The following RNF212 variants were observed in gnomAD, a reference collection of about 807,000 sequenced individuals.
The protein encoded by RNF212 is ring finger protein 212.
Under a neutral mutation model 34.7 loss-of-function variants are expected in RNF212, and 33 were observed. The observed-to-expected ratio is 0.95, with a 90% confidence interval of 0.72 to 1.27. The LOEUF (loss-of-function observed/expected upper bound fraction) is 1.27. Ranked by LOEUF, RNF212 falls within the 50% of genes most tolerant of loss-of-function variation. The pLI, the probability that RNF212 is intolerant of heterozygous loss-of-function variation, is 0.00. For missense variants in RNF212, 377 were observed against 362.2 expected (o/e 1.04, Z -0.33); for synonymous variants, 140 against 136.1 (o/e 1.03, Z -0.20).
At chr4:1,085,988 C>G (rs1721103334) in intron 4 of RNF212, 34 bp from the exon 5 acceptor site, 1 of 1,458,848 alleles carries the variant, frequency 6.9e-7, no homozygotes, top group Non-Finnish European at 9.6e-7. Flanking sequence ...TGTTATCAGA[C>G]AGGCTATGCT....
chr4:1,092,055 C>A (rs994483250), intron 3 of RNF212, among the ~76,000 whole-genome samples: 1 of 152,238 alleles, frequency 6.6e-6, no homozygotes, highest in African/African-American at 2.4e-5. Flanking sequence ...GCACACGCCC[C>A]TCAAAGCCAC....
In RNF212 at chr4:1,083,807, G is replaced by A. The variant is rs985725488; in HGVS notation, c.362+2089C>T. On this transcript the variant is annotated intron_variant, in intron 5 of 9. Transcript: ENST00000433731. Reference sequence around the variant, plus strand: ...CGAGGGTGGGGAGCTGCAGGTTGTGGCTGGGGATGCAGAGGGTACTACTTG... The same window carrying A: ...CGAGGGTGGGGAGCTGCAGGTTGTGACTGGGGATGCAGAGGGTACTACTTG... Among the ~76,000 whole-genome samples the A allele has an allele frequency of 3.9e-5, 6 of 152,178 alleles. No homozygotes were observed. In the East Asian group the frequency reaches 9.6e-4, roughly 24 times the overall value.
chr4:1,092,252 G>A (rs1722300542), intron 3 of RNF212, among the ~76,000 whole-genome samples: 1 of 152,214 alleles, frequency 6.6e-6, no homozygotes, highest in African/African-American at 2.4e-5. Context: ...GGGGAGACGA[G>A]GTCAGTCTGT....
intron 3 of RNF212, 93 bp downstream of exon 3, chr4:1,096,672 A>T: frequency 1.3e-6 from 1 of 796,832 alleles, no homozygotes; most frequent in Non-Finnish European, 2.1e-6. Flanking sequence ...CACCTGGCTC[A>T]TCACAGAACC....
At chr4:1,058,901 C>T (rs1455609722) in intron 3 of RNF212, among the ~76,000 whole-genome samples, 2 of 152,218 alleles carry the variant, frequency 1.3e-5, no homozygotes, top group Non-Finnish European at 2.9e-5. Context: ...CTCTCCCAAG[C>T]CTTGGCTCCT....
At chr4:1,057,540 G>GTAAATA in intron 4 of RNF212, among the ~76,000 whole-genome samples, 2 of 152,210 alleles carry the variant, frequency 1.3e-5, no homozygotes, top group South Asian at 4.2e-4. Context: ...AGTTTTACTG[G>GTAAATA]AACCCAGCCA....
intron 1 of RNF212, among the ~76,000 whole-genome samples, chr4:1,109,959 C>T (rs1725403004): frequency 6.6e-6 from 1 of 152,212 alleles, no homozygotes; most frequent in South Asian, 2.1e-4. Flanking sequence ...TGCCCTCATG[C>T]TAAAAACATC....
chr4:1,067,308 T>C (rs73072277), downstream of RNF212, among the ~76,000 whole-genome samples: 6,986 of 152,080 alleles, frequency 0.046, 536 homozygotes, highest in African/African-American at 0.16. Context: ...AATCCTGTCA[T>C]ATATAAAACA....
chr4:1,059,489 G>A (rs1019216706), intron 3 of RNF212, among the ~76,000 whole-genome samples: 1 of 152,142 alleles, frequency 6.6e-6, no homozygotes, highest in African/African-American at 2.4e-5. Flanking sequence ...GCACACTTCT[G>A]ATATGAAAGC....
At chr4:1,112,410 C>T (rs1273444280) in intron 1 of RNF212, among the ~76,000 whole-genome samples, 2 of 151,728 alleles carry the variant, frequency 1.3e-5, no homozygotes, top group African/African-American at 2.4e-5. Context: ...GCTGCTTTCA[C>T]GGGGAAGTTC....
At chr4:1,071,350 CATCTTACAACAT>C (rs1718478255), downstream of RNF212, 1 of 151,954 alleles carries the variant, frequency 6.6e-6, no homozygotes, top group South Asian at 2.1e-4. Flanking sequence ...TAAAAAAACT[CATCTTACAACAT>C]ACCTCAAGAT....
In RNF212 at chr4:1,085,890, C is replaced by T. The variant is rs941071542; in HGVS notation, c.362+6G>A. 6 of 1,609,436 alleles carry T rather than the reference C, an allele frequency of 3.7e-6. No individual in the cohort carries two copies. Among genetic ancestry groups the T allele is most frequent in the Admixed American group, 1.7e-5 (1 of 59,998 alleles). On this transcript the variant is annotated splice_donor_region_variant and intron_variant, in intron 5 of 9. Coordinates refer to ENST00000433731, the MANE Select transcript of RNF212 (RefSeq NM_001131034.4). ...CTGCGCACTCACGGGGGGTGGGGCG[C>T]CTTACCTTTGTAGTTGTTCTATCTG... is the stretch of plus-strand genomic sequence containing the variant.
In RNF212 at chr4:1,109,070, C is replaced by T. The variant is rs569280385; in HGVS notation, c.110-666G>A. 1.0e-3 allele frequency among the ~76,000 whole-genome samples: 150 copies of T among 146,598 alleles called. 1 individual carries two copies. Among genetic ancestry groups the T allele is most frequent in the African/African-American group, 3.6e-3 (145 of 40,170 alleles). ...TCACCCAGGCGGGAGTGTAATGACG[C>T]GATCTTGGCTCACTGCAACCTCCAC... On this transcript the variant is annotated intron_variant, in intron 1 of 9. Coordinates refer to ENST00000433731, the MANE Select transcript of RNF212 (RefSeq NM_001131034.4).
In RNF212 at chr4:1,096,815, A is replaced by G; in HGVS notation, c.196T>C (p.Phe66Leu). 6.2e-7 allele frequency: 1 copy of G among 1,613,328 alleles called. No individual in the cohort carries two copies. Among genetic ancestry groups the G allele is most frequent in the Non-Finnish European group, 8.5e-7 (1 of 1,179,206 alleles). ...TTACACAGACTGTCTATGCTCATGA[A>G]GAATGCCTGGATATCTGCGTCGGTC... Reference protein sequence around the residue: ...KHTDADIQAFFMSIDSLCKKY... With the variant: ...KHTDADIQAFLMSIDSLCKKY... The change falls in exon 3 of 10, where the codon TTC becomes CTC. Residue 66 changes from phenylalanine (F) to leucine (L), a missense_variant. Coordinates refer to ENST00000433731, the MANE Select transcript of RNF212 (RefSeq NM_001131034.4).
rs537735870 is a variant in RNF212, at chr4:1,063,892, C to A, written n.148-5499G>T. 6.0e-5 allele frequency among the ~76,000 whole-genome samples: 9 copies of A among 150,896 alleles called. No individual in the cohort carries two copies. In the East Asian group the frequency reaches 1.4e-3, roughly 23 times the overall value. Reference sequence around the variant, plus strand: ...CTCAAAAAAAAAAAAATGAAAAAAACCAATATTAATAATAATGGAAGCCAG... The same window carrying A: ...CTCAAAAAAAAAAAAATGAAAAAAAACAATATTAATAATAATGGAAGCCAG... On this transcript the variant is annotated intron_variant and non_coding_transcript_variant, in intron 3 of 4. Transcript: ENST00000503206.
At position 1,113,417 on chromosome 4, in the gene RNF212, C is replaced by A; in HGVS notation, c.48G>T (p.Arg16Ser). 1 of 1,607,602 alleles carries A rather than the reference C, an allele frequency of 6.2e-7. No homozygotes were observed. The highest frequency in any genetic ancestry group is 8.5e-7 in the Non-Finnish European group (1 of 1,177,914). Reference sequence around the variant, plus strand: ...AGTTGGTGAGGCTGAAGCACGACGTCCTGTGGGGCGGCTGGAAGCAGCGAT... The same window carrying A: ...AGTTGGTGAGGCTGAAGCACGACGTACTGTGGGGCGGCTGGAAGCAGCGAT... Reference protein sequence around the residue: ...FCNRCFQPPHRTSCFSLTNCG... With the variant: ...FCNRCFQPPHSTSCFSLTNCG... Residue 16 changes from arginine (R) to serine (S), a missense_variant, in exon 1 of 10, where the codon AGG (arginine) becomes AGT (serine). Physicochemically the swap from Arg to Ser is moderately radical, Grantham distance 110. Transcript: ENST00000433731.
Position 1,113,387 on chromosome 4 carries a change from C to G in RNF212, c.78G>C (p.Gly26=). 1 of 1,600,824 alleles carries G rather than the reference C, an allele frequency of 6.2e-7. No homozygotes were observed. The highest frequency in any genetic ancestry group is 1.1e-5 in the South Asian group (1 of 89,572). Reference sequence around the variant, plus strand: ...CGAGGCAGGCGTCGCAGTACACGTGCCCGCAGTTGGTGAGGCTGAAGCACG... The same window carrying G: ...CGAGGCAGGCGTCGCAGTACACGTGGCCGCAGTTGGTGAGGCTGAAGCACG... ...RTSCFSLTNC[G]HVYCDACLGK... The change falls in exon 1 of 10, where the codon GGG becomes GGC. Residue 26 remains glycine (G), a synonymous_variant. Coordinates refer to ENST00000433731, the MANE Select transcript of RNF212 (RefSeq NM_001131034.4).
intron 3 of RNF212, among the ~76,000 whole-genome samples, chr4:1,091,793 G>A (rs532021374): frequency 6.6e-6 from 1 of 152,342 alleles, no homozygotes; most frequent in South Asian, 2.1e-4. Flanking sequence ...CAGCCTCGCG[G>A]TTTCCTGGCT....
At chr4:1,087,993 A>G (rs1721614391) in intron 4 of RNF212, among the ~76,000 whole-genome samples, 1 of 152,130 alleles carries the variant, frequency 6.6e-6, no homozygotes, top group Admixed American at 6.5e-5. Flanking sequence ...TAGGAGTGTG[A>G]TAATGGATTA....
Sources: allele counts gnomAD v4.1 joint callset (sites outside exome capture counted in the v4.1 genomes callset), GRCh38; gene constraint gnomAD v4.1.1; transcripts MANE v1.5; gene names NCBI Gene and HGNC (gene_info 2026-07-23, HGNC 2026-07-21).